CELF2: variants seen among roughly 807,000 people sequenced by gnomAD.
The protein encoded by CELF2 is CUG triplet repeat RNA-binding protein 2.
Under a neutral mutation model 62.6 loss-of-function variants are expected in CELF2, and 8 were observed. The ratio of observed to expected loss-of-function variants is 0.13; its 90% CI spans 0.07 to 0.23. The LOEUF (loss-of-function observed/expected upper bound fraction) is 0.23. CELF2 is among the 10% of genes least tolerant of loss of function. The pLI, the probability that CELF2 is intolerant of heterozygous loss-of-function variation, is 1.00. For missense variants in CELF2, 333 were observed against 671.0 expected (o/e 0.50, Z 5.56); for synonymous variants, 258 against 250.0 (o/e 1.03, Z -0.30).
At chr10:11,187,694 T>TA (rs1174208865) in intron 2 of CELF2, among the ~76,000 whole-genome samples, 1 of 152,210 alleles carries the variant, frequency 6.6e-6, no homozygotes, top group Non-Finnish European at 1.5e-5. Flanking sequence ...GAGTATTTGT[T>TA]ACACGTCTTT....
At chr10:11,049,558 TAAAAA>T (rs368708381) in intron 1 of CELF2, among the ~76,000 whole-genome samples, 5,082 of 96,920 alleles carry the variant, frequency 0.052, 121 homozygotes, top group Middle Eastern at 0.068. Context: ...CTTTCTTTAG[TAAAAA>T]AAAAAAAAAA....
intron 1 of CELF2, among the ~76,000 whole-genome samples, chr10:10,803,601 T>G (rs1293204966): frequency 6.6e-6 from 1 of 152,206 alleles, no homozygotes; most frequent in Non-Finnish European, 1.5e-5. Context: ...ATCTCCCTGA[T>G]GGACTGAATC....
chr10:10,595,510 G>A, the CELF2 span, among the ~76,000 whole-genome samples: 10 of 152,296 alleles, frequency 6.6e-5, no homozygotes, highest in Admixed American at 5.9e-4. Context: ...AAGACCTGCT[G>A]AAACAAGGAT....
chr10:11,106,948 C>T (rs1400131722), intron 1 of CELF2, among the ~76,000 whole-genome samples: 1 of 152,244 alleles, frequency 6.6e-6, no homozygotes, highest in East Asian at 1.9e-4. Flanking sequence ...GGGGAGAGCT[C>T]CAGTGCTTCC....
the CELF2 span, among the ~76,000 whole-genome samples, chr10:10,497,999 T>G: frequency 2.6e-5 from 4 of 151,702 alleles, no homozygotes; most frequent in Admixed American, 1.3e-4. Context: ...TGAAGGAGGG[T>G]CCCCAGACAG....
At chr10:10,624,814 C>T in the CELF2 span, among the ~76,000 whole-genome samples, 1 of 152,172 alleles carries the variant, frequency 6.6e-6, no homozygotes, top group Non-Finnish European at 1.5e-5. Flanking sequence ...GCTGAAATAA[C>T]TCATGGATAA....
chr10:10,684,902 A>G, the CELF2 span, among the ~76,000 whole-genome samples: 1 of 152,170 alleles, frequency 6.6e-6, no homozygotes, highest in Non-Finnish European at 1.5e-5. Context: ...TATTCACAGC[A>G]CCGGGAGCTA....
At chr10:11,031,060 A>T (rs1273306696) in intron 1 of CELF2, among the ~76,000 whole-genome samples, 1 of 152,156 alleles carries the variant, frequency 6.6e-6, no homozygotes, top group East Asian at 1.9e-4. Context: ...ATTTTCCCCC[A>T]TTAACTTCCA....
chr10:10,628,062 C>A, the CELF2 span, among the ~76,000 whole-genome samples: 1 of 152,138 alleles, frequency 6.6e-6, no homozygotes, highest in East Asian at 1.9e-4. Context: ...GCCACCACGC[C>A]TAGCTCATTT....
At chr10:10,865,328 T>C (rs867527950) in intron 1 of CELF2, among the ~76,000 whole-genome samples, 9 of 152,342 alleles carry the variant, frequency 5.9e-5, no homozygotes, top group Non-Finnish European at 1.0e-4. Flanking sequence ...GTGCTTTTTC[T>C]TCTCGCAAAA....
At chr10:11,067,208 A>G (rs961357614) in intron 1 of CELF2, among the ~76,000 whole-genome samples, 21 of 152,226 alleles carry the variant, frequency 1.4e-4, no homozygotes, top group African/African-American at 5.1e-4. Flanking sequence ...GGAGGAAGCC[A>G]TTATAACCTC....
At chr10:10,713,160 T>C in the CELF2 span, among the ~76,000 whole-genome samples, 1 of 152,220 alleles carries the variant, frequency 6.6e-6, no homozygotes, top group African/African-American at 2.4e-5. Flanking sequence ...CTATCCCCAA[T>C]GGTCTTTCCT....
Position 11,323,554 on chromosome 10 carries a change from C to T in CELF2, c.1294+2168C>T, listed in dbSNP as rs771877468. The stretch of plus-strand genomic sequence containing the variant: ...GACAGGAAGTGAGCCTCTGATGGCC[C>T]GCCTCTGTCCATTACCTGCAGGAGG... On this transcript the variant is annotated intron_variant, in intron 11 of 12. Coordinates refer to ENST00000633077, the MANE Select transcript of CELF2 (RefSeq NM_001326342.2). Among the ~76,000 whole-genome samples the T allele has an allele frequency of 5.3e-5, 8 of 152,006 alleles. No homozygotes were observed. The East Asian group carries it at 5.8e-4, about 11-fold the overall frequency.
chr10:10,942,246 T>C (rs1212667738), intron 2 of CELF2, among the ~76,000 whole-genome samples: 1 of 152,134 alleles, frequency 6.6e-6, no homozygotes, highest in East Asian at 1.9e-4. Context: ...ACAACAAACA[T>C]TTGTTATCTC....
chr10:10,776,190 A>C, the CELF2 span: 1 of 153,352 alleles, frequency 6.5e-6, no homozygotes, highest in South Asian at 2.1e-4. Flanking sequence ...AGCTGTAAAA[A>C]TTTTTGTTCA....
the CELF2 span, among the ~76,000 whole-genome samples, chr10:10,779,873 T>A: frequency 1.3e-5 from 2 of 151,644 alleles, no homozygotes. Context: ...AAAAAAAAAC[T>A]TTAAACTTTC....
At chr10:11,208,367 C>T (rs2060944628) in intron 2 of CELF2, among the ~76,000 whole-genome samples, 1 of 152,174 alleles carries the variant, frequency 6.6e-6, no homozygotes, top group Admixed American at 6.5e-5. Context: ...CCCAAAGATA[C>T]AGGGGAAATG....
intron 1 of CELF2, among the ~76,000 whole-genome samples, chr10:10,800,183 G>A (rs1333093698): frequency 6.6e-6 from 1 of 152,120 alleles, no homozygotes; most frequent in Admixed American, 6.5e-5. Context: ...TTTTTAAAAA[G>A]TACTGCATGT....
the CELF2 span, among the ~76,000 whole-genome samples, chr10:10,763,128 C>G: frequency 6.6e-6 from 1 of 152,148 alleles, no homozygotes; most frequent in Non-Finnish European, 1.5e-5. Context: ...TGATGCTTGA[C>G]TTTTGGAACT....
Sources: allele counts gnomAD v4.1 joint callset (sites outside exome capture counted in the v4.1 genomes callset), GRCh38; gene constraint gnomAD v4.1.1; transcripts MANE v1.5; gene names NCBI Gene and HGNC (gene_info 2026-07-23, HGNC 2026-07-21).